The following EML6 variants were observed in gnomAD, a reference collection of about 807,000 sequenced individuals.
EML6 encodes the protein EMAP like 6.
A neutral mutation model predicts 240.1 loss-of-function variants in EML6; 154 were observed. The ratio of observed to expected loss-of-function variants is 0.64; its 90% CI spans 0.56 to 0.73. The LOEUF is 0.73. EML6 is among the 30% of genes least tolerant of loss of function. The pLI is 0.00. For synonymous variants in EML6, 1,148 were observed against 899.0 expected (o/e 1.28, Z -4.95); for missense variants, 2,964 against 2,474.6 (o/e 1.20, Z -4.20).
At chr2:54,870,448 GT>G (rs1315262520) in intron 15 of EML6, among the ~76,000 whole-genome samples, 1 of 150,836 alleles carries the variant, frequency 6.6e-6, no homozygotes, top group Non-Finnish European at 1.5e-5. Flanking sequence ...CTTTTAAATT[GT>G]TTTTTAAAAG....
chr2:54,760,115 G>T (rs904317852), intron 2 of EML6, among the ~76,000 whole-genome samples: 10 of 150,936 alleles, frequency 6.6e-5, no homozygotes, highest in African/African-American at 2.4e-4. Context: ...ATTGATCTTG[G>T]TCTTAGATTT....
intron 28 of EML6, among the ~76,000 whole-genome samples, chr2:54,933,819 C>T (rs563970466): frequency 3.9e-5 from 6 of 152,262 alleles, no homozygotes; most frequent in Admixed American, 6.5e-5. Context: ...CAAAAAGAGG[C>T]GGCTCAAAGT....
rs906817693 is a variant in EML6 at position 54,853,651 on chromosome 2, C to G, written c.1453C>G (p.Pro485Ala). The change falls in exon 11 of 42, where the codon CCT (proline) becomes GCT (alanine). Residue 485 changes from proline (P) to alanine (A), a missense_variant. By Grantham distance (27) the Pro-to-Ala change is conservative. Coordinates refer to ENST00000356458, the MANE Select transcript of EML6 (RefSeq NM_001039753.4). ...RLFYRMPSGK[P>A]LTSKEEIKGI... ...ATATTGATTATTTTCAGCTGGGAAG[C>G]CTTTAACAAGTAAAGAAGAAATTAA... 6 of 1,539,634 alleles carry G rather than the reference C, an allele frequency of 3.9e-6. No homozygotes were observed. The highest frequency in any genetic ancestry group is 4.4e-6 in the Non-Finnish European group (5 of 1,139,500).
intron 13 of EML6, among the ~76,000 whole-genome samples, chr2:54,865,552 G>C (rs928620303): frequency 6.6e-6 from 1 of 152,192 alleles, no homozygotes; most frequent in East Asian, 1.9e-4. Flanking sequence ...GTGAAAATCT[G>C]AATTCTCCAA....
intron 24 of EML6, among the ~76,000 whole-genome samples, chr2:54,906,594 G>T (rs1416881750): frequency 6.6e-6 from 1 of 152,188 alleles, no homozygotes; most frequent in Non-Finnish European, 1.5e-5. Flanking sequence ...CTCATTGTAA[G>T]GGTCCCTGCA....
intron 22 of EML6, among the ~76,000 whole-genome samples, chr2:54,901,895 A>C (rs114233610): frequency 6.6e-6 from 1 of 152,232 alleles, no homozygotes; most frequent in Non-Finnish European, 1.5e-5. Flanking sequence ...ATACCTTTGC[A>C]AAGTCCATGC....
At chr2:54,926,320 T>A (rs1674543289) in intron 26 of EML6, among the ~76,000 whole-genome samples, 1 of 152,264 alleles carries the variant, frequency 6.6e-6, no homozygotes, top group Non-Finnish European at 1.5e-5. Flanking sequence ...CAGGCTGGTC[T>A]TGAACTCCTG....
At chr2:54,869,491 G>GAATGATCTTGGAAGGATCC in intron 15 of EML6, 124 bp downstream of exon 15, 2 of 753,934 alleles carry the variant, frequency 2.7e-6, no homozygotes, top group African/African-American at 1.8e-5. Context: ...GGTGAAGATT[G>GAATGATCTTGGAAGGATCC]AATGATCATT....
chr2:54,916,378 C>A (rs996100958), intron 25 of EML6, among the ~76,000 whole-genome samples: 1 of 152,218 alleles, frequency 6.6e-6, no homozygotes, highest in African/African-American at 2.4e-5. Flanking sequence ...CTGACACGCA[C>A]AGGACAGTCC....
chr2:54,858,929 G>A (rs758677631), intron 11 of EML6, among the ~76,000 whole-genome samples: 2 of 152,180 alleles, frequency 1.3e-5, no homozygotes, highest in Non-Finnish European at 2.9e-5. Flanking sequence ...CATGTAAGAT[G>A]GACCCTGCTT....
intron 3 of EML6, 41 bp from the exon 4 acceptor site, chr2:54,816,745 TC>T: frequency 4.4e-6 from 6 of 1,371,894 alleles, no homozygotes; most frequent in Non-Finnish European, 6.1e-6. Flanking sequence ...CAGTAAGTCT[TC>T]CCATCACTTT....
intron 19 of EML6, among the ~76,000 whole-genome samples, chr2:54,893,141 G>T (rs556797123): frequency 1.3e-4 from 20 of 152,302 alleles, no homozygotes; most frequent in South Asian, 8.3e-4. Context: ...AGTGAAGGCT[G>T]TTCATTGGCC....
chr2:54,835,198 C>G (rs1468257152), intron 7 of EML6, among the ~76,000 whole-genome samples: 1 of 152,206 alleles, frequency 6.6e-6, no homozygotes, highest in Non-Finnish European at 1.5e-5. Flanking sequence ...TATTCCAAAT[C>G]CCCTTCTCCC....
intron 19 of EML6, among the ~76,000 whole-genome samples, chr2:54,893,239 C>T (rs1383954767): frequency 6.6e-6 from 1 of 152,126 alleles, no homozygotes; most frequent in African/African-American, 2.4e-5. Context: ...TACCTTCTCT[C>T]AGTCTGTTTT....
At chr2:54,898,884 C>T (rs1672910033) in intron 21 of EML6, among the ~76,000 whole-genome samples, 1 of 152,094 alleles carries the variant, frequency 6.6e-6, no homozygotes, top group Admixed American at 6.5e-5. Context: ...TCATTTTCTC[C>T]CTGTTAAGTG....
At chr2:54,925,295 T>C (rs1674483281) in intron 26 of EML6, among the ~76,000 whole-genome samples, 1 of 152,204 alleles carries the variant, frequency 6.6e-6, no homozygotes, top group African/African-American at 2.4e-5. Context: ...ACCTTCATCT[T>C]GCCCAGCCTC....
intron 2 of EML6, among the ~76,000 whole-genome samples, chr2:54,800,234 C>T (rs1343330449): frequency 6.6e-6 from 1 of 151,952 alleles, no homozygotes; most frequent in Non-Finnish European, 1.5e-5. Flanking sequence ...TGCCATGCAA[C>T]CATTTGATTT....
chr2:54,797,685 G>T (rs1669896542), intron 2 of EML6, among the ~76,000 whole-genome samples: 1 of 152,066 alleles, frequency 6.6e-6, no homozygotes, highest in Admixed American at 6.5e-5. Flanking sequence ...GGAAGTGGTT[G>T]GTTTCTAGTG....
chr2:54,774,910 C>T lies in EML6; in HGVS notation c.198-38322C>T, dbSNP rs1001634322. 6.6e-5 allele frequency among the ~76,000 whole-genome samples: 10 copies of T among 152,228 alleles called. No homozygotes were observed. The highest frequency in any genetic ancestry group is 4.8e-5 in the African/African-American group (2 of 41,448). Reference sequence around the variant, plus strand: ...CACCCAAGTGGAAATACAGAAAGTGCTTACAACATGTAAAATTCTGTATTG... The same window carrying T: ...CACCCAAGTGGAAATACAGAAAGTGTTTACAACATGTAAAATTCTGTATTG... On this transcript the variant is annotated intron_variant, in intron 2 of 41. Coordinates refer to ENST00000356458, the MANE Select transcript of EML6 (RefSeq NM_001039753.4). This position sits in a 1 kb window ranked among gnomAD's most constrained non-coding sequence, Gnocchi z 4.1.
Sources: gnomAD v4.1 joint callset for allele counts (sites outside exome capture counted in the v4.1 genomes callset) on GRCh38, gnomAD v4.1.1 for gene constraint, Gnocchi (gnomAD v3.1) non-coding constraint, MANE v1.5 for transcripts, NCBI Gene and HGNC (gene_info 2026-07-23, HGNC 2026-07-21) for gene names.